STARD13: variants seen among roughly 807,000 people sequenced by gnomAD.
The protein encoded by STARD13 is StAR related lipid transfer domain containing 13.
In STARD13, 62 loss-of-function variants were observed where a neutral mutation model predicts 106.4. The observed-to-expected ratio is 0.58, with a 90% confidence interval of 0.48 to 0.72. The LOEUF (loss-of-function observed/expected upper bound fraction) is 0.72. Ranked by LOEUF, STARD13 falls within the 30% of genes least tolerant of loss-of-function variation. The probability of loss-of-function intolerance (pLI) is 0.00; values close to 1 mark genes in which losing one functional copy is unlikely to be tolerated. For missense variants in STARD13, 1,387 were observed against 1,424.0 expected (o/e 0.97, Z 0.42); for synonymous variants, 565 against 553.0 (o/e 1.02, Z -0.31).
chr13:33,602,211 C>T, the STARD13 span, among the ~76,000 whole-genome samples: 1 of 151,812 alleles, frequency 6.6e-6, no homozygotes, highest in Non-Finnish European at 1.5e-5. Flanking sequence ...TCTGCCTCAG[C>T]CTCCCGAATA....
rs912811456 is a variant in STARD13, at chr13:33,324,271, T to C, written c.124+26019A>G. On this transcript the variant is annotated intron_variant, in intron 1 of 5. Transcript: ENST00000567873. ...ATTCGAAAACATTTGCTAAGGGGTG[T>C]GAACGGTGCAGACTCTCATCAAAAT... 3.3e-5 allele frequency among the ~76,000 whole-genome samples: 5 copies of C among 152,218 alleles called. 1 individual carries two copies. The highest frequency in any genetic ancestry group is 1.2e-4 in the African/African-American group (5 of 41,458).
intron 1 of STARD13, among the ~76,000 whole-genome samples, chr13:33,204,279 C>G (rs1887253614): frequency 6.6e-6 from 1 of 152,190 alleles, no homozygotes. Flanking sequence ...AGATATGAAT[C>G]TACACAACAA....
At chr13:33,577,214 C>T in the STARD13 span, among the ~76,000 whole-genome samples, 1 of 152,178 alleles carries the variant, frequency 6.6e-6, no homozygotes, top group Non-Finnish European at 1.5e-5. Flanking sequence ...AACTTAGTCA[C>T]ATCCAATTAC....
At chr13:33,186,317 G>A (rs1885765892) in intron 1 of STARD13, among the ~76,000 whole-genome samples, 1 of 152,178 alleles carries the variant, frequency 6.6e-6, no homozygotes. Flanking sequence ...ATGTAAGGTG[G>A]GGTATGTTCC....
chr13:33,268,451 C>T (rs1331524191), intron 1 of STARD13, among the ~76,000 whole-genome samples: 9 of 152,208 alleles, frequency 5.9e-5, no homozygotes. Context: ...AAGTAACACA[C>T]ACTGAGCCCT....
At chr13:33,292,524 C>T (rs1297987889) in intron 1 of STARD13, among the ~76,000 whole-genome samples, 1 of 151,602 alleles carries the variant, frequency 6.6e-6, no homozygotes, top group Non-Finnish European at 1.5e-5. Flanking sequence ...TGACTTGAGC[C>T]TGGGAGGTCA....
intron 1 of STARD13, among the ~76,000 whole-genome samples, chr13:33,282,736 G>A (rs945997063): frequency 1.9e-4 from 29 of 152,308 alleles, no homozygotes; most frequent in African/African-American, 7.0e-4. Flanking sequence ...ATGATTAAAA[G>A]CTGTTAGTGA....
chr13:33,619,667 G>A, the STARD13 span, among the ~76,000 whole-genome samples: 1 of 151,990 alleles, frequency 6.6e-6, no homozygotes, highest in Non-Finnish European at 1.5e-5. Context: ...GTGAAAAAAG[G>A]GTAAGAAGAG....
rs879711305 is a variant in STARD13, at chr13:33,258,480, GA to G, written c.169+26989del. Among the ~76,000 whole-genome samples, 388 of 140,200 alleles carry G rather than the reference GA, an allele frequency of 2.8e-3. 2 individuals are homozygous for G. Among genetic ancestry groups the G allele is most frequent in the African/African-American group, 8.0e-3 (307 of 38,350 alleles). 92.0% of individuals were successfully genotyped at this position (140,200 alleles called of 152,430 possible). A position where few individuals can be genotyped will look rare whatever the true frequency, so the allele number is the denominator to read the frequency against. On this transcript the variant is annotated intron_variant, in intron 1 of 13. Coordinates refer to ENST00000336934, the MANE Select transcript of STARD13 (RefSeq NM_178006.4). ...GTCAATGCTGGAGATTAGGAAGAAAGAAAAAAAAAAAAGAGTGGCCTTTTCA... is the reference window on the plus strand; with the variant it reads ...GTCAATGCTGGAGATTAGGAAGAAAGAAAAAAAAAAAGAGTGGCCTTTTCA...
At chr13:33,264,969 G>A (rs1890826882) in intron 1 of STARD13, among the ~76,000 whole-genome samples, 1 of 152,200 alleles carries the variant, frequency 6.6e-6, no homozygotes, top group East Asian at 1.9e-4. Flanking sequence ...CAGGAGTCAA[G>A]AGACTAGAGT....
At chr13:33,312,984 G>A (rs2321162) in intron 1 of STARD13, among the ~76,000 whole-genome samples, 142,563 of 152,298 alleles carry the variant, frequency 0.94, 67,425 homozygotes, top group East Asian at 1. Flanking sequence ...ATGAGTTCCA[G>A]AACATTTGGA....
chr13:33,249,996 G>T (rs1030051065), intron 1 of STARD13, among the ~76,000 whole-genome samples: 1 of 152,038 alleles, frequency 6.6e-6, no homozygotes, highest in Non-Finnish European at 1.5e-5. Context: ...TCACTACGTT[G>T]CTCAGGCTGG....
At chr13:33,436,293 A>G in the STARD13 span, among the ~76,000 whole-genome samples, 1 of 152,204 alleles carries the variant, frequency 6.6e-6, no homozygotes, top group East Asian at 1.9e-4. Flanking sequence ...CTTTAAATGA[A>G]TAGTATGTTG....
chr13:33,285,320 CTAAAGT>C, intron 1 of STARD13, 144 bp downstream of exon 1: 1 of 850,860 alleles, frequency 1.2e-6, no homozygotes, highest in African/African-American at 1.7e-5. Flanking sequence ...AAACTGCAGC[CTAAAGT>C]TATTTTTCAA....
chr13:33,262,251 T>G (rs1388123136), intron 1 of STARD13, among the ~76,000 whole-genome samples: 4 of 152,110 alleles, frequency 2.6e-5, no homozygotes, highest in Non-Finnish European at 5.9e-5. Flanking sequence ...TGACTCACAG[T>G]GAGACATTCT....
At position 33,264,798 on chromosome 13, in the gene STARD13, G is replaced by A. The variant is rs546347729; in HGVS notation, c.169+20672C>T. 8.5e-5 allele frequency among the ~76,000 whole-genome samples: 13 copies of A among 152,296 alleles called. No homozygotes were observed. The South Asian group carries it at 2.7e-3, about 32-fold the overall frequency. ...GGCCTCTAGTTCTTGCATGCTGGGA[G>A]AAGTTACGGGAATGGGTGTGACCAT... On this transcript the variant is annotated intron_variant, in intron 1 of 13. Coordinates refer to ENST00000336934, the MANE Select transcript of STARD13 (RefSeq NM_178006.4).
At chr13:33,124,671 G>A (rs964641440) in intron 7 of STARD13, among the ~76,000 whole-genome samples, 2 of 152,046 alleles carry the variant, frequency 1.3e-5, no homozygotes, top group Non-Finnish European at 2.9e-5. Flanking sequence ...TATAGCTATG[G>A]ACATTAACTT....
At chr13:33,163,195 T>C (rs1882837819) in intron 3 of STARD13, among the ~76,000 whole-genome samples, 1 of 152,124 alleles carries the variant, frequency 6.6e-6, no homozygotes, top group African/African-American at 2.4e-5. Flanking sequence ...ATGATTCAAA[T>C]TATCTCTCAC....
intron 7 of STARD13, among the ~76,000 whole-genome samples, chr13:33,121,620 A>C (rs2138120526): frequency 6.6e-6 from 1 of 151,544 alleles, no homozygotes; most frequent in African/African-American, 2.4e-5. Context: ...AATTTTTGAC[A>C]AGAGATAGTT....
Sources: gnomAD v4.1 joint callset for allele counts (sites outside exome capture counted in the v4.1 genomes callset) on GRCh38, gnomAD v4.1.1 for gene constraint, MANE v1.5 for transcripts, NCBI Gene and HGNC (gene_info 2026-07-23, HGNC 2026-07-21) for gene names.